The following ZC3H13 variants were observed in gnomAD, a reference collection of about 807,000 sequenced individuals.
ZC3H13 encodes zinc finger CCCH-type containing 13.
In ZC3H13, 64 loss-of-function variants were observed where a neutral mutation model predicts 204.1. The ratio of observed to expected loss-of-function variants is 0.31; its 90% confidence interval spans 0.26 to 0.39. The LOEUF (loss-of-function observed/expected upper bound fraction) is 0.39. ZC3H13 is among the 10% of genes least tolerant of loss of function. The probability of loss-of-function intolerance (pLI) is 1.00; values close to 1 mark genes in which losing one functional copy is unlikely to be tolerated. For synonymous variants in ZC3H13, 667 were observed against 693.7 expected (o/e 0.96, Z 0.60); for missense variants, 1,833 against 2,082.7 (o/e 0.88, Z 2.33).
intron 15 of ZC3H13, among the ~76,000 whole-genome samples, 165 bp from the exon 16 acceptor site, chr13:45,965,597 AAAC>A (rs1952015155): frequency 1.3e-5 from 2 of 152,226 alleles, no homozygotes; most frequent in African/African-American, 2.4e-5. Context: ...TATCAAAAGA[AAAC>A]AAAAATAAAA....
intron 12 of ZC3H13, among the ~76,000 whole-genome samples, chr13:45,973,323 T>C (rs1299527011): frequency 6.6e-6 from 1 of 152,196 alleles, no homozygotes; most frequent in Admixed American, 6.5e-5. Context: ...GAGATGACAA[T>C]ACAGTTAATG....
intron 11 of ZC3H13, chr13:45,976,137 C>T: frequency 1.0e-6 from 1 of 980,390 alleles, no homozygotes; most frequent in Non-Finnish European, 1.2e-6. Flanking sequence ...ACCCTACCTC[C>T]AGCCCACTGC....
intron 12 of ZC3H13, among the ~76,000 whole-genome samples, chr13:45,974,091 T>C (rs1952813490): frequency 6.6e-6 from 1 of 152,202 alleles, no homozygotes; most frequent in Non-Finnish European, 1.5e-5. Flanking sequence ...AAATTGAAGA[T>C]ACATAAATTA....
chr13:45,958,278 T>C (rs945018088), intron 18 of ZC3H13, among the ~76,000 whole-genome samples: 2 of 152,264 alleles, frequency 1.3e-5, no homozygotes, highest in Non-Finnish European at 1.5e-5. Context: ...CAATGTTATA[T>C]AGTCAAAGAT....
At chr13:46,030,249 CA>C (rs2138970936) in intron 4 of ZC3H13, among the ~76,000 whole-genome samples, 1 of 152,284 alleles carries the variant, frequency 6.6e-6, no homozygotes, top group East Asian at 1.9e-4. Context: ...AGATCATCTA[CA>C]AAAAACCCTA....
chr13:46,048,555 TGGGTGACA>T (rs1216184622), intron 1 of ZC3H13, among the ~76,000 whole-genome samples: 1 of 108,792 alleles, frequency 9.2e-6, no homozygotes, highest in African/African-American at 3.7e-5. Flanking sequence ...CACTCCAGCC[TGGGTGACA>T]GAGTGAGACT....
At chr13:46,050,924 CT>C (rs2044361677) in intron 1 of ZC3H13, among the ~76,000 whole-genome samples, 2 of 152,098 alleles carry the variant, frequency 1.3e-5, no homozygotes, top group Admixed American at 1.3e-4. Context: ...ATAAAAGACT[CT>C]TTCTATATCA....
At chr13:46,015,000 C>T (rs2041824549) in intron 5 of ZC3H13, among the ~76,000 whole-genome samples, 1 of 152,118 alleles carries the variant, frequency 6.6e-6, no homozygotes, top group African/African-American at 2.4e-5. Flanking sequence ...CTGTTAAAAA[C>T]AAGACTTATA....
intron 1 of ZC3H13, among the ~76,000 whole-genome samples, chr13:46,051,129 A>G (rs2044380297): frequency 6.6e-6 from 1 of 152,216 alleles, no homozygotes; most frequent in African/African-American, 2.4e-5. Context: ...TGATGATATT[A>G]CAATTTTAAT....
chr13:46,049,150 C>CAA (rs58915210), intron 1 of ZC3H13, among the ~76,000 whole-genome samples: 1,857 of 91,724 alleles, frequency 0.02, 36 homozygotes, highest in African/African-American at 0.069. Flanking sequence ...GACTCCGTCT[C>CAA]AAAAAAAAAA....
chr13:45,989,247 A>C (rs971014054), intron 8 of ZC3H13, 150 bp from the exon 9 acceptor site: 8 of 849,654 alleles, frequency 9.4e-6, no homozygotes, highest in African/African-American at 6.9e-5. Context: ...AATTCTAAGT[A>C]AGTCACTTTT....
At chr13:45,986,338 G>C (rs887280593) in intron 9 of ZC3H13, among the ~76,000 whole-genome samples, 1 of 152,182 alleles carries the variant, frequency 6.6e-6, no homozygotes, top group South Asian at 2.1e-4. Context: ...TGTACCTACA[G>C]TGCCAGCTAC....
intron 4 of ZC3H13, among the ~76,000 whole-genome samples, chr13:46,024,141 C>T (rs1335543459): frequency 1.3e-5 from 2 of 152,168 alleles, no homozygotes; most frequent in Admixed American, 6.5e-5. Context: ...AGTGGTGGAA[C>T]GGGTTCTGGG....
At chr13:46,029,099 T>C (rs941015493) in intron 4 of ZC3H13, among the ~76,000 whole-genome samples, 4 of 152,020 alleles carry the variant, frequency 2.6e-5, no homozygotes, top group Non-Finnish European at 5.9e-5. Context: ...AAATTATCAA[T>C]AGGAGAAACA....
chr13:46,024,650 C>G (rs2042425074), intron 4 of ZC3H13, among the ~76,000 whole-genome samples: 1 of 151,214 alleles, frequency 6.6e-6, no homozygotes, highest in African/African-American at 2.4e-5. Flanking sequence ...CTGCACATCT[C>G]GTATCTGTAG....
chr13:45,962,609 T>TA, intron 17 of ZC3H13: 2 of 984,812 alleles, frequency 2.0e-6, no homozygotes, highest in Non-Finnish European at 2.4e-6. Flanking sequence ...TTTGTACATG[T>TA]ATACTCTAGG....
chr13:46,027,037 C>G (rs2042582994), intron 4 of ZC3H13, among the ~76,000 whole-genome samples: 1 of 152,064 alleles, frequency 6.6e-6, no homozygotes, highest in Non-Finnish European at 1.5e-5. Context: ...ATTCAAAATC[C>G]TAAATGACAA....
chr13:46,031,633 A>T (rs1445074527), intron 4 of ZC3H13, among the ~76,000 whole-genome samples: 1 of 152,218 alleles, frequency 6.6e-6, no homozygotes, highest in Non-Finnish European at 1.5e-5. Flanking sequence ...AGACCTGAAC[A>T]ATCTCACCAA....
rs757569729 is a variant in ZC3H13 at position 45,969,121 on chromosome 13, G to A, written c.3423C>T (p.Ala1141=). The A allele has an allele frequency of 6.2e-7, 1 of 1,614,142 alleles. No individual in the cohort carries two copies. The highest frequency in any genetic ancestry group is 8.5e-7 in the Non-Finnish European group (1 of 1,180,018). Residue 1141 remains alanine (A), a synonymous_variant, in exon 14 of 19, where the codon GCC becomes GCT. Transcript: ENST00000679008. The part of the protein sequence containing the change: ...STSAITISTS[A]TPTNTTNNTF... ...TATTATTGGTGGTATTGGTGGGGGT[G>A]GCAGAGGTGGAAATAGTGATGGCAG...
Sources: gnomAD v4.1 joint callset for allele counts (sites outside exome capture counted in the v4.1 genomes callset) on GRCh38, gnomAD v4.1.1 for gene constraint, MANE v1.5 for transcripts, NCBI Gene and HGNC (gene_info 2026-07-23, HGNC 2026-07-21) for gene names.